AGAP1: variants seen among roughly 807,000 people sequenced by gnomAD.
AGAP1 encodes ArfGAP with GTPase domain, ankyrin repeat and PH domain 1.
Under a neutral mutation model 105.3 loss-of-function variants are expected in AGAP1, and 29 were observed. The observed-to-expected ratio is 0.28, with a 90% CI of 0.21 to 0.38. The LOEUF is 0.38. Ranked by LOEUF, AGAP1 falls within the 10% of genes least tolerant of loss-of-function variation. The pLI, the probability that AGAP1 is intolerant of heterozygous loss-of-function variation, is 1.00. For synonymous variants in AGAP1, 509 were observed against 485.9 expected, an observed-to-expected ratio of 1.05 and a Z score of -0.63; for missense variants, 998 against 1,165.1, an observed-to-expected ratio of 0.86 and a Z score of 2.09.
chr2:235,717,240 G>A (rs1477977167), intron 2 of AGAP1, among the ~76,000 whole-genome samples: 5 of 152,190 alleles, frequency 3.3e-5, no homozygotes, highest in African/African-American at 9.7e-5. Context: ...AGTAGATGCC[G>A]GCGGGCTAAC....
At chr2:235,508,730 A>G (rs920711034) in intron 1 of AGAP1, among the ~76,000 whole-genome samples, 2 of 152,334 alleles carry the variant, frequency 1.3e-5, no homozygotes, top group Non-Finnish European at 2.9e-5. Flanking sequence ...TACAGCTTAC[A>G]TTTAAGCCAC....
At chr2:235,637,129 G>A (rs943025249) in intron 1 of AGAP1, among the ~76,000 whole-genome samples, 1 of 152,098 alleles carries the variant, frequency 6.6e-6, no homozygotes, top group Non-Finnish European at 1.5e-5. Context: ...AAACTAAAAC[G>A]TCACCTGACT....
chr2:235,511,336 G>A (rs904871628), intron 1 of AGAP1, among the ~76,000 whole-genome samples: 7 of 152,104 alleles, frequency 4.6e-5, no homozygotes, highest in Non-Finnish European at 7.4e-5. Flanking sequence ...AGAGGGGCCC[G>A]CCCTCTCGGT....
chr2:235,820,212 A>G (rs1958714016), intron 9 of AGAP1, among the ~76,000 whole-genome samples: 1 of 152,214 alleles, frequency 6.6e-6, no homozygotes, highest in Admixed American at 6.5e-5. Flanking sequence ...TTTCTTCACC[A>G]AAACAGATTT....
In AGAP1 at chr2:236,126,638, G is replaced by C. The variant is rs2060008024; in HGVS notation, c.*2516G>C. 6.6e-6 allele frequency: 1 copy of C among 152,094 alleles called. No individual in the cohort carries two copies. The highest frequency in any genetic ancestry group is 1.5e-5 in the Non-Finnish European group (1 of 68,014). 9.4% of individuals were successfully genotyped at this position (152,094 alleles called of 1,614,324 possible). A position where few individuals can be genotyped will look rare whatever the true frequency, so the allele number is the denominator to read the frequency against. ...CCTGGCCCCCAGCACAAGCTGCCATGACTCCCCCTCAGAAAACACAGCCCC... is the reference window on the plus strand; with the variant it reads ...CCTGGCCCCCAGCACAAGCTGCCATCACTCCCCCTCAGAAAACACAGCCCC... On this transcript the variant is annotated 3_prime_UTR_variant, in exon 18 of 18. Coordinates refer to ENST00000304032, the MANE Select transcript of AGAP1 (RefSeq NM_001037131.3).
rs1322565005 is a variant in AGAP1 at position 235,494,641 on chromosome 2, G to T, written c.-46G>T. 28 of 967,308 alleles carry T rather than the reference G, an allele frequency of 2.9e-5. No homozygotes were observed. Among genetic ancestry groups the T allele is most frequent in the Non-Finnish European group, 3.4e-5 (28 of 813,814 alleles). The allele number at this position is 967,308 out of a possible 1,614,324, so 59.9% of individuals were successfully genotyped here. Reference sequence around the variant, plus strand: ...CGGCCCGCGGGCCCCGGGGCGCGGGGCGGCGGCGGCGGGGGGCGCGCGGCT... The same window carrying T: ...CGGCCCGCGGGCCCCGGGGCGCGGGTCGGCGGCGGCGGGGGGCGCGCGGCT... On this transcript the variant is annotated 5_prime_UTR_variant, in exon 1 of 18. Transcript: ENST00000304032.
At position 235,612,952 on chromosome 2, in the gene AGAP1, G is replaced by A. The variant is rs935724099; in HGVS notation, c.164-96227G>A. 6.6e-6 allele frequency among the ~76,000 whole-genome samples: 1 copy of A among 151,984 alleles called. No homozygotes were observed. Among genetic ancestry groups the A allele is most frequent in the Non-Finnish European group, 1.5e-5 (1 of 68,010 alleles). On this transcript the variant is annotated intron_variant, in intron 1 of 17. Transcript: ENST00000304032. This position sits in a 1 kb window ranked among gnomAD's most constrained non-coding sequence, Gnocchi z 4.3. Reference sequence around the variant, plus strand: ...CCTAAGGATGTCCTTCTAATTTGGAGTTAACCTCTCTTTCCCAGGTGAGGT... The same window carrying A: ...CCTAAGGATGTCCTTCTAATTTGGAATTAACCTCTCTTTCCCAGGTGAGGT...
At chr2:235,548,073 G>A (rs1046476358) in intron 1 of AGAP1, among the ~76,000 whole-genome samples, 2 of 152,232 alleles carry the variant, frequency 1.3e-5, no homozygotes, top group Admixed American at 6.5e-5. Context: ...TTCTGCCCCA[G>A]GGTCGTGAGA....
Position 236,005,716 on chromosome 2 carries a change from T to C in AGAP1, c.1646-30845T>C, listed in dbSNP as rs1328431513. ...AGGTGTATGATAGGAATCCCTCTAC[T>C]GGAATTTGTGCAATGCTTTTCTCAG... On this transcript the variant is annotated intron_variant, in intron 13 of 17. Transcript: ENST00000304032. This position sits in a 1 kb window ranked among gnomAD's most constrained non-coding sequence, Gnocchi z 4.1. Among the ~76,000 whole-genome samples, 1 of 152,192 alleles carries C rather than the reference T, an allele frequency of 6.6e-6. No individual in the cohort carries two copies. The highest frequency in any genetic ancestry group is 1.9e-4 in the East Asian group (1 of 5,198).
In AGAP1 at chr2:235,840,340, G is replaced by C. The variant is rs369558043; in HGVS notation, c.1050+33009G>C. Reference sequence around the variant, plus strand: ...GTGACCATTAAAGTAAAGTGGCTTAGAGACATAACACGGCGACATTTATGT... The same window carrying C: ...GTGACCATTAAAGTAAAGTGGCTTACAGACATAACACGGCGACATTTATGT... On this transcript the variant is annotated intron_variant, in intron 9 of 17. Coordinates refer to ENST00000304032, the MANE Select transcript of AGAP1 (RefSeq NM_001037131.3). 2.6e-5 allele frequency among the ~76,000 whole-genome samples: 4 copies of C among 152,244 alleles called. No homozygotes were observed. In the East Asian group the frequency reaches 5.8e-4, roughly 22 times the overall value.
At chr2:235,774,079 ATTGT>A (rs1470440976) in intron 6 of AGAP1, 45 of 434,672 alleles carry the variant, frequency 1.0e-4, no homozygotes, top group African/African-American at 6.9e-4. Flanking sequence ...TTAATCTCAG[ATTGT>A]TTTACTGCCT....
rs1953553914 is a variant in AGAP1, at chr2:235,752,717, G to T, written c.673+2229G>T. On this transcript the variant is annotated intron_variant, in intron 6 of 17. Transcript: ENST00000304032. The surrounding 1 kb of genome is among the most constrained non-coding windows in gnomAD (Gnocchi z 4.3). ...CTCCTTTGCTTTTGTATTTATCACGGTTAACATACATGAGTTTTCCATAAA... is the reference window on the plus strand; with the variant it reads ...CTCCTTTGCTTTTGTATTTATCACGTTTAACATACATGAGTTTTCCATAAA... 6.6e-6 allele frequency among the ~76,000 whole-genome samples: 1 copy of T among 152,162 alleles called. No homozygotes were observed. The highest frequency in any genetic ancestry group is 2.1e-4 in the South Asian group (1 of 4,834).
intron 10 of AGAP1, among the ~76,000 whole-genome samples, chr2:235,899,176 T>TA (rs1314427302): frequency 6.6e-6 from 1 of 152,188 alleles, no homozygotes; most frequent in Non-Finnish European, 1.5e-5. Context: ...TAGCAATCGA[T>TA]ATTCACCTCA....
intron 1 of AGAP1, among the ~76,000 whole-genome samples, chr2:235,676,532 G>A (rs200235345): frequency 0.016 from 2,365 of 152,314 alleles, 64 homozygotes; most frequent in African/African-American, 0.05. Context: ...TTACCAGGTA[G>A]AGAAGAGTGA....
At chr2:235,990,531 T>A (rs888757775) in intron 13 of AGAP1, among the ~76,000 whole-genome samples, 5 of 152,334 alleles carry the variant, frequency 3.3e-5, no homozygotes, top group Non-Finnish European at 4.4e-5. Flanking sequence ...CCAGAACACC[T>A]ACACATGACC....
rs1432491283 is a variant in AGAP1, at chr2:235,981,401, A to G, written c.1645+12778A>G. On this transcript the variant is annotated intron_variant, in intron 13 of 17. Transcript: ENST00000304032. This position sits in a 1 kb window ranked among gnomAD's most constrained non-coding sequence, Gnocchi z 5.5. ...GATATACTGTAGGCATGGTTACCAG[A>G]ACACCCCTAAGAGAGCTGACCAGAA... Among the ~76,000 whole-genome samples, 1 of 152,050 alleles carries G rather than the reference A, an allele frequency of 6.6e-6. No homozygotes were observed. Among genetic ancestry groups the G allele is most frequent in the Non-Finnish European group, 1.5e-5 (1 of 68,010 alleles).
Position 235,535,493 on chromosome 2 carries a change from TAA to T in AGAP1, c.163+40657_163+40658del, listed in dbSNP as rs55890259. On this transcript the variant is annotated intron_variant, in intron 1 of 17. Transcript: ENST00000304032. The surrounding 1 kb of genome is among the most constrained non-coding windows in gnomAD (Gnocchi z 5.1). ...TGATCTTAGGGTAGTATTTTGGATT[TAA>T]AAAAAAAAAAAACATGAAATGAAAT... is the stretch of plus-strand genomic sequence containing the variant. 0.028 allele frequency among the ~76,000 whole-genome samples: 4,053 copies of T among 145,396 alleles called. 163 individuals are homozygous for T. Among genetic ancestry groups the T allele is most frequent in the African/African-American group, 0.087 (3,448 of 39,740 alleles).
rs1019794911 is a variant in AGAP1 at position 236,076,559 on chromosome 2, G to A, written c.2114+27278G>A. 6.6e-6 allele frequency among the ~76,000 whole-genome samples: 1 copy of A among 152,180 alleles called. No individual in the cohort carries two copies. The highest frequency in any genetic ancestry group is 1.5e-5 in the Non-Finnish European group (1 of 68,028). On this transcript the variant is annotated intron_variant, in intron 16 of 17. Coordinates refer to ENST00000304032, the MANE Select transcript of AGAP1 (RefSeq NM_001037131.3). The surrounding 1 kb of genome is among the most constrained non-coding windows in gnomAD (Gnocchi z 4.4). ...CCAGGACACCGTGGAATCTGGGAAA[G>A]CCATGATTTCCACAGTATACTCCTA...
intron 9 of AGAP1, among the ~76,000 whole-genome samples, chr2:235,846,822 C>T (rs1961552014): frequency 6.6e-6 from 1 of 152,100 alleles, no homozygotes; most frequent in African/African-American, 2.4e-5. Context: ...AGAACAGGGT[C>T]TCACTATGTG....
Sources: allele counts gnomAD v4.1 joint callset (sites outside exome capture counted in the v4.1 genomes callset), GRCh38; gene constraint gnomAD v4.1.1; non-coding constraint Gnocchi (gnomAD v3.1); transcripts MANE v1.5; gene names NCBI Gene and HGNC (gene_info 2026-07-23, HGNC 2026-07-21).